The following NF1 variants were observed in gnomAD, a reference collection of about 807,000 sequenced individuals.
NF1 encodes the protein neurofibromin 1.
Under a neutral mutation model 325.7 loss-of-function variants are expected in NF1, and 122 were observed. The ratio of observed to expected loss-of-function variants is 0.37; its 90% CI spans 0.32 to 0.44. The LOEUF is 0.44. NF1 is among the 20% of genes least tolerant of loss of function. The probability of loss-of-function intolerance (pLI) is 1.00; values close to 1 mark genes in which losing one functional copy is unlikely to be tolerated. For missense variants in NF1, 2,140 were observed against 3,415.4 expected (o/e 0.63, Z 9.31); for synonymous variants, 1,091 against 1,186.0 (o/e 0.92, Z 1.65).
chr17:31,341,470 C>A (rs2151563167), intron 47 of NF1, among the ~76,000 whole-genome samples: 1 of 152,084 alleles, frequency 6.6e-6, no homozygotes, highest in African/African-American at 2.4e-5. Context: ...TTGCAGTGAG[C>A]TGAGATCACG....
chr17:31,255,563 A>T (rs965173692), intron 31 of NF1, among the ~76,000 whole-genome samples: 8 of 152,284 alleles, frequency 5.3e-5, no homozygotes, highest in African/African-American at 1.9e-4. Context: ...ATGAGACAGT[A>T]TGTGTTCCTG....
chr17:31,152,725 C>A (rs938468720), intron 1 of NF1, among the ~76,000 whole-genome samples: 1 of 151,408 alleles, frequency 6.6e-6, no homozygotes, highest in Admixed American at 6.6e-5. Flanking sequence ...TTGTCATTTT[C>A]TTAATTTCTC....
In NF1 at chr17:31,226,499, T is replaced by C. The variant is rs2067016902; in HGVS notation, c.2066T>C (p.Val689Ala). ...CGACAAGCCCAGACCAAACTAGAAG[T>C]GGCCCTGTACATGTTTCTGTGGAAC... ...ICRQAQTKLE[V>A]ALYMFLWNPD... Residue 689 changes from valine (V) to alanine (A), a missense_variant, in exon 18 of 58, where the codon GTG (valine) becomes GCG (alanine). Coordinates refer to ENST00000358273, the MANE Select transcript of NF1 (RefSeq NM_001042492.3). 6.2e-7 allele frequency: 1 copy of C among 1,613,778 alleles called. No individual in the cohort carries two copies. Among genetic ancestry groups the C allele is most frequent in the Non-Finnish European group, 8.5e-7 (1 of 1,179,824 alleles).
At chr17:31,196,023 C>G (rs1014642052) in intron 8 of NF1, among the ~76,000 whole-genome samples, 2 of 151,856 alleles carry the variant, frequency 1.3e-5, no homozygotes, top group African/African-American at 4.8e-5. Flanking sequence ...TTTAAAGTCA[C>G]TTTTGATGGT....
intron 31 of NF1, among the ~76,000 whole-genome samples, chr17:31,255,040 T>A (rs1402858641): frequency 6.6e-6 from 1 of 152,236 alleles, no homozygotes; most frequent in Non-Finnish European, 1.5e-5. Flanking sequence ...AGATCTGGCT[T>A]CTAGTATATA....
chr17:31,370,934 C>A (rs1331669981), intron 57 of NF1, among the ~76,000 whole-genome samples: 3 of 152,012 alleles, frequency 2.0e-5, no homozygotes, highest in Non-Finnish European at 4.4e-5. Context: ...GGACTTGAAA[C>A]TTGTAGGCCA....
At position 31,201,422 on chromosome 17, in the gene NF1, T is replaced by C. The variant is rs1597682745; in HGVS notation, c.1197T>C (p.Ala399=). ...HNNQHFKICL[A]QNSPSTFHYV... ...TTCTTTTTCTATAGATCTGCCTGGC[T>C]CAGAATTCACCTTCTACATTTCACT... is the stretch of plus-strand genomic sequence containing the variant. The change falls in exon 11 of 58, where the codon GCT becomes GCC. Residue 399 remains alanine (A), a synonymous_variant. Transcript: ENST00000358273. 2 of 1,611,768 alleles carry C rather than the reference T, an allele frequency of 1.2e-6. No homozygotes were observed. Among genetic ancestry groups the C allele is most frequent in the African/African-American group, 1.3e-5 (1 of 74,858 alleles).
intron 36 of NF1, chr17:31,296,091 T>G: frequency 6.2e-7 from 1 of 1,613,078 alleles, no homozygotes; most frequent in Non-Finnish European, 8.5e-7. Context: ...TCCAGGGTCC[T>G]CAGATTGGTA....
intron 34 of NF1, among the ~76,000 whole-genome samples, chr17:31,260,857 G>T (rs952688429): frequency 1.3e-5 from 2 of 152,080 alleles, no homozygotes; most frequent in African/African-American, 2.4e-5. Flanking sequence ...CAGCCAATTC[G>T]TAGGAATTCA....
rs71142019 is a variant in NF1 at position 31,121,395 on chromosome 17, C to CTTTTTTTTTT, written c.60+26040_60+26049dup. Reference sequence around the variant, plus strand: ...TCCCTTCTATGTGCAAATCACTATTCTTTTTTTTTTTTTTTTTTTTTTTGA... The same window carrying CTTTTTTTTTT: ...TCCCTTCTATGTGCAAATCACTATTCTTTTTTTTTTTTTTTTTTTTTTTTTTTTTTTTTGA... On this transcript the variant is annotated intron_variant, in intron 1 of 57. Coordinates refer to ENST00000358273, the MANE Select transcript of NF1 (RefSeq NM_001042492.3). Among the ~76,000 whole-genome samples the CTTTTTTTTTT allele has an allele frequency of 9.8e-4, 91 of 92,498 alleles. 1 individual carries two copies. The highest frequency in any genetic ancestry group is 3.9e-3 in the African/African-American group (87 of 22,394). 60.7% of individuals were successfully genotyped at this position (92,498 alleles called of 152,430 possible). A position where few individuals can be genotyped will look rare whatever the true frequency, so the allele number is the denominator to read the frequency against.
chr17:31,288,622 C>T lies in NF1; in HGVS notation c.4835+23283C>T, dbSNP rs1040926579. 2.0e-5 allele frequency among the ~76,000 whole-genome samples: 3 copies of T among 151,126 alleles called. No individual in the cohort carries two copies. The East Asian group carries it at 5.8e-4, about 29-fold the overall frequency. ...CATGATCTCGGCTTACTGCAACCTC[C>T]GCCTCCCGGGTTCAAGCGATCCTCC... On this transcript the variant is annotated intron_variant, in intron 36 of 57. Coordinates refer to ENST00000358273, the MANE Select transcript of NF1 (RefSeq NM_001042492.3).
At chr17:31,245,489 C>G (rs560256161) in intron 29 of NF1, among the ~76,000 whole-genome samples, 74 of 152,302 alleles carry the variant, frequency 4.9e-4, no homozygotes, top group African/African-American at 1.7e-3. Flanking sequence ...ACTTCAGATG[C>G]CAATTACAAG....
chr17:31,276,663 G>T (rs937290513), intron 36 of NF1, among the ~76,000 whole-genome samples: 8 of 151,998 alleles, frequency 5.3e-5, no homozygotes, highest in Non-Finnish European at 1.0e-4. Flanking sequence ...TTGATTTTGG[G>T]GTGCTGTTCC....
At chr17:31,335,259 T>A (rs1370483119) in intron 40 of NF1, among the ~76,000 whole-genome samples, 4 of 29,514 alleles carry the variant, frequency 1.4e-4, no homozygotes, top group Non-Finnish European at 2.6e-4. Flanking sequence ...TTGCACAGTC[T>A]CCTTCAAGGC....
intron 36 of NF1, among the ~76,000 whole-genome samples, chr17:31,278,742 G>A (rs1312574336): frequency 6.6e-6 from 1 of 151,404 alleles, no homozygotes; most frequent in East Asian, 1.9e-4. Context: ...AGCCTCCTGA[G>A]TAGCTGGGAT....
chr17:31,236,089 C>G lies in NF1; in HGVS notation c.3974+68C>G, dbSNP rs2067199327. 4.1e-6 allele frequency: 5 copies of G among 1,204,982 alleles called. No individual in the cohort carries two copies. The South Asian group carries it at 6.3e-5, about 15-fold the overall frequency. 74.6% of individuals were successfully genotyped at this position (1,204,982 alleles called of 1,614,324 possible). A position where few individuals can be genotyped will look rare whatever the true frequency, so the allele number is the denominator to read the frequency against. On this transcript the variant is annotated intron_variant, in intron 29 of 57. Coordinates refer to ENST00000358273, the MANE Select transcript of NF1 (RefSeq NM_001042492.3). ...TTTTTTTGTTTGTTTGTTTTACTAACACTGCATGAAGCAAGGCACCTTCTC... is the reference window on the plus strand; with the variant it reads ...TTTTTTTGTTTGTTTGTTTTACTAAGACTGCATGAAGCAAGGCACCTTCTC...
intron 48 of NF1, among the ~76,000 whole-genome samples, chr17:31,345,327 C>T (rs1235995711): frequency 6.6e-6 from 1 of 152,210 alleles, no homozygotes; most frequent in Non-Finnish European, 1.5e-5. Flanking sequence ...CCGCCTGCGA[C>T]TCGGTCCCGG....
chr17:31,154,165 C>T (rs1314131238), intron 1 of NF1, among the ~76,000 whole-genome samples: 4 of 147,122 alleles, frequency 2.7e-5, no homozygotes, highest in East Asian at 2.0e-4. Flanking sequence ...AAGCCATTCT[C>T]GTGCCTCAGC....
chr17:31,344,385 A>T (rs1221787967), intron 48 of NF1, among the ~76,000 whole-genome samples: 2 of 152,238 alleles, frequency 1.3e-5, no homozygotes, highest in African/African-American at 4.8e-5. Flanking sequence ...GTTAATAAGA[A>T]CAGCATGTAG....
Sources: allele counts gnomAD v4.1 joint callset (sites outside exome capture counted in the v4.1 genomes callset), GRCh38; gene constraint gnomAD v4.1.1; transcripts MANE v1.5; gene names NCBI Gene and HGNC (gene_info 2026-07-23, HGNC 2026-07-21).